Variants in TMTC1 observed in about 807,000 individuals in gnomAD.
TMTC1 encodes protein O-mannosyl-transferase TMTC1.
TMTC1 carries 73 observed loss-of-function variants against 104.8 expected under a neutral mutation model. The observed-to-expected ratio is 0.70, with a 90% CI of 0.58 to 0.85. TMTC1 has a LOEUF of 0.85. TMTC1 is among the 40% of genes least tolerant of loss of function. The probability of loss-of-function intolerance (pLI) is 0.00; values close to 1 mark genes in which losing one functional copy is unlikely to be tolerated. For missense variants in TMTC1, 1,035 were observed against 1,096.1 expected (o/e 0.94, Z 0.79); for synonymous variants, 434 against 428.7 (o/e 1.01, Z -0.15).
intron 3 of TMTC1, among the ~76,000 whole-genome samples, chr12:29,757,413 G>A (rs923462053): frequency 5.3e-5 from 8 of 152,152 alleles, no homozygotes; most frequent in Admixed American, 1.3e-4. Context: ...AACCAAAAAC[G>A]TATGCAGATA....
At chr12:29,558,911 GCTTGTGTC>G (rs1467927131) in intron 9 of TMTC1, among the ~76,000 whole-genome samples, 3 of 152,146 alleles carry the variant, frequency 2.0e-5, no homozygotes, top group Non-Finnish European at 4.4e-5. Flanking sequence ...GTCCCGCAAA[GCTTGTGTC>G]TAAGAATTAC....
chr12:29,538,319 CAT>C (rs539024882), intron 10 of TMTC1, among the ~76,000 whole-genome samples: 204 of 152,240 alleles, frequency 1.3e-3, no homozygotes, highest in African/African-American at 4.7e-3. Flanking sequence ...TCCATTGGCA[CAT>C]GTTTTTTAAA....
At chr12:29,589,742 G>A (rs189877351) in intron 7 of TMTC1, among the ~76,000 whole-genome samples, 3 of 152,328 alleles carry the variant, frequency 2.0e-5, no homozygotes, top group African/African-American at 4.8e-5. Context: ...ATATGTTTGC[G>A]TGTCTAGTGA....
intron 6 of TMTC1, among the ~76,000 whole-genome samples, chr12:29,621,335 G>C (rs535383768): frequency 1.3e-5 from 2 of 152,284 alleles, no homozygotes; most frequent in African/African-American, 4.8e-5. Context: ...TGAGCTAAAT[G>C]CAAAATAATT....
intron 1 of TMTC1, among the ~76,000 whole-genome samples, chr12:29,772,585 A>T (rs1943619240): frequency 6.6e-6 from 1 of 152,176 alleles, no homozygotes; most frequent in African/African-American, 2.4e-5. Context: ...CCCTTTTAGC[A>T]ATTTTCAACT....
Position 29,554,202 on chromosome 12 carries a change from C to G in TMTC1, c.1676+2655G>C, listed in dbSNP as rs144749158. Among the ~76,000 whole-genome samples the G allele has an allele frequency of 4.8e-3, 735 of 152,240 alleles. 12 individuals are homozygous for G. The highest frequency in any genetic ancestry group is 0.032 in the Admixed American group (488 of 15,298). On this transcript the variant is annotated intron_variant, in intron 10 of 17. Coordinates refer to ENST00000539277, the MANE Select transcript of TMTC1 (RefSeq NM_001193451.2). ...TAAAAGTAGCAGAGTGAAATAACAACATGATAATGATCTGTATCTAGCTAT... is the reference window on the plus strand; with the variant it reads ...TAAAAGTAGCAGAGTGAAATAACAAGATGATAATGATCTGTATCTAGCTAT...
At chr12:29,579,186 A>G (rs1343667590) in intron 8 of TMTC1, among the ~76,000 whole-genome samples, 2 of 152,162 alleles carry the variant, frequency 1.3e-5, no homozygotes, top group African/African-American at 2.4e-5. Context: ...TCAGTACCAT[A>G]AGACCAAAGT....
chr12:29,751,637 T>C (rs753320118), intron 5 of TMTC1, 29 bp downstream of exon 5: 1 of 1,612,928 alleles, frequency 6.2e-7, no homozygotes, highest in Non-Finnish European at 8.5e-7. Context: ...ATTGAAAACA[T>C]GCAGGGACCA....
intron 5 of TMTC1, among the ~76,000 whole-genome samples, chr12:29,709,258 C>T (rs1389828689): frequency 6.6e-6 from 1 of 152,158 alleles, no homozygotes; most frequent in Non-Finnish European, 1.5e-5. Context: ...ATGCTGACAT[C>T]ACCAGGTGTG....
intron 10 of TMTC1, among the ~76,000 whole-genome samples, chr12:29,551,787 CTTTT>C (rs34656608): frequency 3.2e-3 from 449 of 139,254 alleles, no homozygotes; most frequent in Non-Finnish European, 4.4e-3. Flanking sequence ...TTTCTTTCTT[CTTTT>C]TTTTTTTTTT....
chr12:29,703,115 G>T (rs566972044), intron 5 of TMTC1, among the ~76,000 whole-genome samples: 2 of 150,530 alleles, frequency 1.3e-5, no homozygotes, highest in Admixed American at 1.3e-4. Context: ...TTGCAGTCCA[G>T]TCTGGGTGAC....
At chr12:29,781,932 G>T (rs1228349613) in intron 1 of TMTC1, among the ~76,000 whole-genome samples, 2 of 152,206 alleles carry the variant, frequency 1.3e-5, no homozygotes, top group Admixed American at 1.3e-4. Flanking sequence ...GTAGGCACAG[G>T]CATTTGACTC....
chr12:29,639,259 T>C (rs1314472769), intron 5 of TMTC1, among the ~76,000 whole-genome samples: 5 of 152,244 alleles, frequency 3.3e-5, no homozygotes, highest in East Asian at 3.9e-4. Context: ...TAAGAAATGA[T>C]AGATTAATGA....
chr12:29,782,702 T>C (rs1291748522), intron 1 of TMTC1: 1 of 152,214 alleles, frequency 6.6e-6, no homozygotes, highest in Non-Finnish European at 1.5e-5. Context: ...CGGTTCCCTT[T>C]ACGCTTATTC....
At chr12:29,507,055 C>T in intron 17 of TMTC1, 69 bp from the exon 18 acceptor site, 1 of 1,344,092 alleles carries the variant, frequency 7.4e-7, no homozygotes, top group Non-Finnish European at 1.1e-6. Flanking sequence ...AATGAAGAGA[C>T]TAAGAAACTG....
At chr12:29,583,336 A>C (rs1171566815) in intron 8 of TMTC1, 71 bp downstream of exon 8, 1 of 1,495,488 alleles carries the variant, frequency 6.7e-7, no homozygotes, top group Admixed American at 1.9e-5. Context: ...ATGTTACCTC[A>C]TTTGTTTGGA....
At chr12:29,576,919 A>G (rs1945840292) in intron 8 of TMTC1, among the ~76,000 whole-genome samples, 2 of 152,212 alleles carry the variant, frequency 1.3e-5, no homozygotes, top group Non-Finnish European at 2.9e-5. Flanking sequence ...ATACAATTAA[A>G]AAAAGGAAAA....
At chr12:29,513,871 G>A (rs1396865323) in intron 16 of TMTC1, among the ~76,000 whole-genome samples, 1 of 152,084 alleles carries the variant, frequency 6.6e-6, no homozygotes, top group African/African-American at 2.4e-5. Context: ...ATTTGTGCGT[G>A]CCTGCACACA....
At chr12:29,637,706 C>T (rs1236180558) in intron 5 of TMTC1, among the ~76,000 whole-genome samples, 4 of 152,144 alleles carry the variant, frequency 2.6e-5, no homozygotes, top group African/African-American at 9.7e-5. Context: ...CAAGAATATA[C>T]ATAAATTCTG....
Sources: gnomAD v4.1 joint callset for allele counts (sites outside exome capture counted in the v4.1 genomes callset) on GRCh38, gnomAD v4.1.1 for gene constraint, MANE v1.5 for transcripts, NCBI Gene and HGNC (gene_info 2026-07-23, HGNC 2026-07-21) for gene names.